The following JAKMIP3 variants were observed in gnomAD, a reference collection of about 807,000 sequenced individuals.
JAKMIP3 encodes Janus kinase and microtubule interacting protein 3.
Under a neutral mutation model 118.5 loss-of-function variants are expected in JAKMIP3, and 58 were observed. The ratio of observed to expected loss-of-function variants is 0.49; its 90% CI spans 0.40 to 0.61. JAKMIP3 has a LOEUF of 0.61. JAKMIP3 is among the 20% of genes least tolerant of loss of function. The pLI, the probability that JAKMIP3 is intolerant of heterozygous loss-of-function variation, is 0.00. For synonymous variants in JAKMIP3, 486 were observed against 451.2 expected, an observed-to-expected ratio of 1.08 and a Z score of -0.98; for missense variants, 950 against 1,109.0, an observed-to-expected ratio of 0.86 and a Z score of 2.04.
intron 1 of JAKMIP3, among the ~76,000 whole-genome samples, chr10:132,052,691 TTTTAA>T (rs754385791): frequency 6.6e-6 from 1 of 152,224 alleles, no homozygotes; most frequent in Non-Finnish European, 1.5e-5. Context: ...GTGCCTTTTG[TTTTAA>T]TTTATTACAT....
rs1380769178 is a variant in JAKMIP3 at position 132,133,309 on chromosome 10, T to C, written c.634-3T>C. The C allele has an allele frequency of 1.3e-6, 2 of 1,572,756 alleles. No homozygotes were observed. Among genetic ancestry groups the C allele is most frequent in the East Asian group, 4.7e-5 (2 of 42,940 alleles). The stretch of plus-strand genomic sequence containing the variant: ...GTGTGATTGTGTTCTGTTCTCCTTG[T>C]AGATGGAGGAGATAAAATTTAAAGA... On this transcript the variant is annotated splice_polypyrimidine_tract_variant and splice_region_variant and intron_variant, in intron 3 of 23. Coordinates refer to ENST00000684848, the MANE Select transcript of JAKMIP3 (RefSeq NM_001323087.2).
chr10:132,039,410 A>AC (rs2037643678), intron 1 of JAKMIP3, among the ~76,000 whole-genome samples: 1 of 127,498 alleles, frequency 7.8e-6, no homozygotes, highest in South Asian at 2.9e-4. Context: ...CATACCTGCA[A>AC]CCCCCAAGCA....
intron 1 of JAKMIP3, among the ~76,000 whole-genome samples, chr10:132,100,540 G>T (rs557588095): frequency 6.6e-6 from 1 of 152,084 alleles, no homozygotes. Context: ...GGTTCCTTAC[G>T]AGGGTTGGGG....
chr10:132,166,949 C>CTTCCGTTTCTCCATCCTCCCCT (rs769126791), intron 21 of JAKMIP3, 34 bp from the exon 22 acceptor site: 34 of 1,428,992 alleles, frequency 2.4e-5, no homozygotes, highest in Middle Eastern at 1.7e-4. Flanking sequence ...TCTTTCTTTC[C>CTTCCGTTTCTCCATCCTCCCCT]TTCCGTTTCT....
intron 1 of JAKMIP3, among the ~76,000 whole-genome samples, chr10:132,058,849 G>T (rs1244886540): frequency 6.6e-6 from 1 of 152,226 alleles, no homozygotes; most frequent in Admixed American, 6.5e-5. Context: ...CCATCATAAG[G>T]TCGAAGCCTT....
rs2038137433 is a variant in JAKMIP3 at position 132,052,835 on chromosome 10, G to C, written c.-138+16097G>C. Among the ~76,000 whole-genome samples the C allele has an allele frequency of 2.6e-5, 4 of 152,306 alleles. No individual in the cohort carries two copies. In the South Asian group the frequency reaches 8.3e-4, roughly 32 times the overall value. On this transcript the variant is annotated intron_variant, in intron 1 of 23. Coordinates refer to the JAKMIP3 transcript ENST00000657785. ...AGAAATAGAAAAAGTTTATGTGGTG[G>C]GGAGTAAGGGTATGTGGGAATTCTG...
intron 23 of JAKMIP3, among the ~76,000 whole-genome samples, chr10:132,174,233 C>T (rs961951045): frequency 2.0e-5 from 3 of 152,144 alleles, no homozygotes; most frequent in Admixed American, 6.6e-5. Context: ...TGCAGTGGCC[C>T]CTTCCTGGCA....
intron 3 of JAKMIP3, among the ~76,000 whole-genome samples, chr10:132,119,193 C>CT (rs11403839): frequency 0.26 from 39,088 of 151,058 alleles, 5,157 homozygotes; most frequent in Admixed American, 0.32. Flanking sequence ...TCCGTACAGG[C>CT]TTTTTTTTTG....
intron 3 of JAKMIP3, among the ~76,000 whole-genome samples, chr10:132,123,774 C>T (rs1054930009): frequency 1.3e-5 from 2 of 152,142 alleles, no homozygotes; most frequent in African/African-American, 4.8e-5. Flanking sequence ...TGCTGAAGAC[C>T]CTGAATTGTG....
intron 1 of JAKMIP3, among the ~76,000 whole-genome samples, chr10:132,079,929 G>A (rs913002298): frequency 6.6e-6 from 1 of 152,254 alleles, no homozygotes; most frequent in African/African-American, 2.4e-5. Flanking sequence ...GGACATTTGG[G>A]TGGGTGGCGT....
intron 2 of JAKMIP3, among the ~76,000 whole-genome samples, chr10:132,107,265 C>T (rs1486288097): frequency 1.3e-5 from 2 of 152,182 alleles, no homozygotes; most frequent in Non-Finnish European, 2.9e-5. Context: ...CTCTGTCCAC[C>T]TAATTACAAC....
At chr10:132,181,707 G>C (rs1220954996) in intron 23 of JAKMIP3, among the ~76,000 whole-genome samples, 1 of 152,210 alleles carries the variant, frequency 6.6e-6, no homozygotes, top group Non-Finnish European at 1.5e-5. Context: ...TTCTTACTTA[G>C]AAGTTAGGTT....
At position 132,128,991 on chromosome 10, in the gene JAKMIP3, A is replaced by G. The variant is rs147401504; in HGVS notation, c.634-4321A>G. Among the ~76,000 whole-genome samples, 508 of 152,146 alleles carry G rather than the reference A, an allele frequency of 3.3e-3. 6 individuals carry two copies. Among genetic ancestry groups the G allele is most frequent in the African/African-American group, 0.012 (493 of 41,506 alleles). On this transcript the variant is annotated intron_variant, in intron 3 of 23. Transcript: ENST00000684848. Reference sequence around the variant, plus strand: ...GTGCTGCCACAGACTTAGCTTCGTTATTGGTTATTTTTCCCTGCTTCTTCA... The same window carrying G: ...GTGCTGCCACAGACTTAGCTTCGTTGTTGGTTATTTTTCCCTGCTTCTTCA...
intron 2 of JAKMIP3, among the ~76,000 whole-genome samples, chr10:132,106,446 C>T (rs181435193): frequency 7.9e-5 from 12 of 152,280 alleles, no homozygotes; most frequent in Admixed American, 2.6e-4. Flanking sequence ...CATCTGGCCC[C>T]GCCCCCGTTC....
chr10:132,109,077 C>CACACAT (rs1382478674), intron 2 of JAKMIP3, among the ~76,000 whole-genome samples: 11 of 136,420 alleles, frequency 8.1e-5, no homozygotes, highest in African/African-American at 3.1e-4. Flanking sequence ...CACACATACA[C>CACACAT]ATATATATAC....
intron 22 of JAKMIP3, 47 bp downstream of exon 22, chr10:132,167,102 C>T: frequency 7.7e-7 from 1 of 1,292,368 alleles, no homozygotes; most frequent in Non-Finnish European, 1.1e-6. Context: ...GCTCTGCTTC[C>T]CGGAAGACTC....
intron 1 of JAKMIP3, among the ~76,000 whole-genome samples, chr10:132,098,600 C>T (rs535851939): frequency 5.9e-5 from 9 of 152,282 alleles, no homozygotes; most frequent in South Asian, 2.1e-4. Flanking sequence ...AGAGTGCGGA[C>T]GTCCCTTAAG....
At position 132,168,035 on chromosome 10, in the gene JAKMIP3, C is replaced by G; in HGVS notation, c.*105C>G. ...GGACGTCGCGTCTCCATCCTGAAGACCCAGGGAGATTTGGTCTCTGCACGC... is the reference window on the plus strand; with the variant it reads ...GGACGTCGCGTCTCCATCCTGAAGAGCCAGGGAGATTTGGTCTCTGCACGC... On this transcript the variant is annotated 3_prime_UTR_variant, in exon 23 of 24. Transcript: ENST00000684848. The G allele has an allele frequency of 7.8e-7, 1 of 1,289,606 alleles. No homozygotes were observed. The highest frequency in any genetic ancestry group is 1.0e-6 in the Non-Finnish European group (1 of 988,846). The allele number at this position is 1,289,606 out of a possible 1,614,324, so 79.9% of individuals were successfully genotyped here. A position where few individuals can be genotyped will look rare whatever the true frequency, so the allele number is the denominator to read the frequency against.
chr10:132,172,075 A>G (rs1034646002), intron 23 of JAKMIP3, among the ~76,000 whole-genome samples: 11 of 152,108 alleles, frequency 7.2e-5, no homozygotes, highest in African/African-American at 1.7e-4. Flanking sequence ...CCCACGTTGC[A>G]TTCACTCATC....
Sources: gnomAD v4.1 joint callset for allele counts (sites outside exome capture counted in the v4.1 genomes callset) on GRCh38, gnomAD v4.1.1 for gene constraint, MANE v1.5 for transcripts, NCBI Gene and HGNC (gene_info 2026-07-23, HGNC 2026-07-21) for gene names.